SLC9A9: variants seen among roughly 807,000 people sequenced by gnomAD.
SLC9A9 encodes the protein sodium/hydrogen exchanger 9.
A neutral mutation model predicts 77.8 loss-of-function variants in SLC9A9; 62 were observed. The ratio of observed to expected loss-of-function variants is 0.80; its 90% CI spans 0.65 to 0.98. The LOEUF (loss-of-function observed/expected upper bound fraction) is 0.98, where lower values mean the gene tolerates loss of function less well. Ranked by LOEUF, SLC9A9 falls within the 50% of genes least tolerant of loss-of-function variation. The pLI, the probability that SLC9A9 is intolerant of heterozygous loss-of-function variation, is 0.00. For synonymous variants in SLC9A9, 320 were observed against 283.5 expected (o/e 1.13, Z -1.29); for missense variants, 775 against 774.9 (o/e 1.00, Z 0.00).
chr3:143,565,871 A>G (rs1170027527), intron 8 of SLC9A9, among the ~76,000 whole-genome samples: 1 of 152,174 alleles, frequency 6.6e-6, no homozygotes, highest in Non-Finnish European at 1.5e-5. Context: ...AAAACTGGCC[A>G]GATTTGTTTT....
intron 12 of SLC9A9, among the ~76,000 whole-genome samples, chr3:143,391,226 A>G (rs2033557899): frequency 1.3e-5 from 2 of 152,218 alleles, no homozygotes; most frequent in African/African-American, 4.8e-5. Flanking sequence ...GACACCTCAC[A>G]TGGCTGGGTA....
intron 6 of SLC9A9, among the ~76,000 whole-genome samples, chr3:143,604,982 C>A (rs1388809473): frequency 6.6e-6 from 1 of 152,154 alleles, no homozygotes; most frequent in Admixed American, 6.5e-5. Context: ...CTGCAGGAAC[C>A]ATTAAGCGTC....
intron 6 of SLC9A9, among the ~76,000 whole-genome samples, chr3:143,611,209 T>A (rs2038017259): frequency 1.3e-5 from 2 of 152,150 alleles, no homozygotes; most frequent in Non-Finnish European, 2.9e-5. Context: ...CCACAAAATA[T>A]TTATATTGAT....
intron 6 of SLC9A9, among the ~76,000 whole-genome samples, chr3:143,615,581 C>T (rs1032523255): frequency 2.2e-4 from 34 of 152,186 alleles, no homozygotes; most frequent in African/African-American, 8.0e-4. Context: ...GGAAAAGCAT[C>T]CCCCTGCAAC....
intron 2 of SLC9A9, among the ~76,000 whole-genome samples, chr3:143,830,657 T>C (rs1053341572): frequency 6.6e-6 from 1 of 151,722 alleles, no homozygotes; most frequent in African/African-American, 2.4e-5. Context: ...TGTAGGAGAG[T>C]GAAGAGAGAA....
intron 4 of SLC9A9, among the ~76,000 whole-genome samples, chr3:143,726,415 C>G (rs897907765): frequency 6.6e-6 from 1 of 152,090 alleles, no homozygotes; most frequent in Admixed American, 6.5e-5. Context: ...TGGAATGCCT[C>G]TAACTGTACA....
chr3:143,474,682 G>A (rs960804385), intron 11 of SLC9A9, among the ~76,000 whole-genome samples: 3 of 151,900 alleles, frequency 2.0e-5, no homozygotes, highest in African/African-American at 7.3e-5. Flanking sequence ...AAGCAGAGAG[G>A]CTGAGTGAGT....
intron 6 of SLC9A9, among the ~76,000 whole-genome samples, chr3:143,607,376 T>G (rs1247897846): frequency 6.6e-6 from 1 of 152,038 alleles, no homozygotes; most frequent in Non-Finnish European, 1.5e-5. Context: ...GCAAACAAAC[T>G]GTTAAACATG....
chr3:143,832,288 A>G, intron 1 of SLC9A9, 67 bp from the exon 2 acceptor site: 1 of 1,391,948 alleles, frequency 7.2e-7, no homozygotes, highest in South Asian at 1.2e-5. Flanking sequence ...TTGGAAACCT[A>G]TATGATTTGG....
intron 6 of SLC9A9, among the ~76,000 whole-genome samples, chr3:143,646,687 C>G (rs2038712760): frequency 6.6e-6 from 1 of 152,148 alleles, no homozygotes; most frequent in Non-Finnish European, 1.5e-5. Context: ...CCCATAATTA[C>G]TTCTTAGAAT....
intron 15 of SLC9A9, 90 bp from the exon 16 acceptor site, chr3:143,267,019 TGCATG>T: frequency 8.4e-6 from 10 of 1,190,314 alleles, no homozygotes; most frequent in Non-Finnish European, 1.2e-5. Context: ...TTAAACAGAA[TGCATG>T]TTTTCCTTTC....
At chr3:143,409,469 T>C (rs1032777641) in intron 12 of SLC9A9, among the ~76,000 whole-genome samples, 4 of 152,184 alleles carry the variant, frequency 2.6e-5, no homozygotes, top group African/African-American at 9.6e-5. Context: ...CAGAAAAGCT[T>C]AAAATCTGCT....
At chr3:143,277,981 TA>T (rs1277414424) in intron 14 of SLC9A9, among the ~76,000 whole-genome samples, 3 of 152,148 alleles carry the variant, frequency 2.0e-5, no homozygotes, top group Non-Finnish European at 4.4e-5. Flanking sequence ...ACACTTAAGA[TA>T]AGGGTGGCAG....
intron 12 of SLC9A9, among the ~76,000 whole-genome samples, chr3:143,397,463 A>G (rs1205390360): frequency 6.6e-6 from 1 of 152,218 alleles, no homozygotes; most frequent in Non-Finnish European, 1.5e-5. Flanking sequence ...TTGGTATGAA[A>G]CCATAAATGG....
chr3:143,750,029 G>A (rs528994720), intron 4 of SLC9A9, among the ~76,000 whole-genome samples: 1 of 152,050 alleles, frequency 6.6e-6, no homozygotes, highest in Non-Finnish European at 1.5e-5. Context: ...CCTTATTTGC[G>A]AATAGGTTTA....
At chr3:143,530,473 C>A (rs558614988) in intron 9 of SLC9A9, among the ~76,000 whole-genome samples, 7 of 152,126 alleles carry the variant, frequency 4.6e-5, no homozygotes, top group Non-Finnish European at 8.8e-5. Flanking sequence ...TCCCTAGCCA[C>A]GCAGAGCTGT....
chr3:143,552,881 C>T lies in SLC9A9; in HGVS notation c.1001-431G>A, dbSNP rs147775650. 3.1e-3 allele frequency among the ~76,000 whole-genome samples: 473 copies of T among 152,174 alleles called. 2 individuals carry two copies. The highest frequency in any genetic ancestry group is 9.7e-3 in the African/African-American group (403 of 41,504). ...GCTTTCCGCTGTATACTTTGGGTAGCCTAAAGAAGTTCCTGTCATACCATA... is the reference window on the plus strand; with the variant it reads ...GCTTTCCGCTGTATACTTTGGGTAGTCTAAAGAAGTTCCTGTCATACCATA... On this transcript the variant is annotated intron_variant, in intron 8 of 15. Transcript: ENST00000316549.
intron 9 of SLC9A9, among the ~76,000 whole-genome samples, chr3:143,539,806 G>C (rs1009591769): frequency 1.3e-5 from 2 of 151,882 alleles, no homozygotes; most frequent in African/African-American, 4.8e-5. Flanking sequence ...TACATAGAAG[G>C]ACATGAAATT....
At chr3:143,401,789 G>A (rs546746625) in intron 12 of SLC9A9, among the ~76,000 whole-genome samples, 15 of 152,016 alleles carry the variant, frequency 9.9e-5, no homozygotes, top group Non-Finnish European at 2.1e-4. Context: ...ATAAGATATA[G>A]TAGGACCTAC....
Sources: gnomAD v4.1 joint callset for allele counts (sites outside exome capture counted in the v4.1 genomes callset) on GRCh38, gnomAD v4.1.1 for gene constraint, MANE v1.5 for transcripts, NCBI Gene and HGNC (gene_info 2026-07-23, HGNC 2026-07-21) for gene names.